Variants in MDM1 observed in about 807,000 individuals in gnomAD.
MDM1 encodes the protein Mdm1 nuclear protein.
A neutral mutation model predicts 89.1 loss-of-function variants in MDM1; 61 were observed. The observed-to-expected ratio is 0.68, with a 90% CI of 0.56 to 0.85. MDM1 has a LOEUF of 0.85. MDM1 is among the 40% of genes least tolerant of loss of function. The pLI is 0.00. For synonymous variants in MDM1, 290 were observed against 294.1 expected, an observed-to-expected ratio of 0.99 and a Z score of 0.14; for missense variants, 820 against 846.5, an observed-to-expected ratio of 0.97 and a Z score of 0.39.
At position 68,295,319 on chromosome 12, in the gene MDM1, G is replaced by A; in HGVS notation, c.2110C>T (p.Leu704Phe). The A allele has an allele frequency of 6.2e-7, 1 of 1,613,304 alleles. No homozygotes were observed. Among genetic ancestry groups the A allele is most frequent in the Non-Finnish European group, 8.5e-7 (1 of 1,179,592 alleles). ...CGTGCCAGAGTTTGAAAAGCCCGGAGACTAGAAGCTGCAGAGCGAGCAGAA... is the reference window on the plus strand; with the variant it reads ...CGTGCCAGAGTTTGAAAAGCCCGGAAACTAGAAGCTGCAGAGCGAGCAGAA... ...EISARSAASS[L>F]RAFQTLARAK... Residue 704 changes from leucine to phenylalanine, a missense_variant, in exon 15 of 15, where the codon CTC becomes TTC. Coordinates refer to ENST00000682720, the MANE Select transcript of MDM1 (RefSeq NM_001354969.2).
intron 2 of MDM1, chr12:68,327,650 G>C: frequency 1.3e-6 from 1 of 767,874 alleles, no homozygotes. Flanking sequence ...GCCACTGAGA[G>C]ACTGCCCTAG....
At chr12:68,307,443 C>G (rs1448938679) in intron 12 of MDM1, among the ~76,000 whole-genome samples, 1 of 152,166 alleles carries the variant, frequency 6.6e-6, no homozygotes, top group African/African-American at 2.4e-5. Context: ...TGAGAACAGC[C>G]TGGCAACACA....
intron 7 of MDM1, among the ~76,000 whole-genome samples, chr12:68,318,508 A>G (rs1349056331): frequency 1.3e-5 from 2 of 152,210 alleles, no homozygotes; most frequent in African/African-American, 2.4e-5. Flanking sequence ...TATATCAACA[A>G]TCTTTATTAA....
chr12:68,302,444 G>A (rs1872293717), intron 13 of MDM1, among the ~76,000 whole-genome samples, 176 bp downstream of exon 13: 1 of 152,096 alleles, frequency 6.6e-6, no homozygotes, highest in Non-Finnish European at 1.5e-5. Context: ...AGTGAACTTA[G>A]GTGCAGCACA....
chr12:68,298,784 C>T lies in MDM1; in HGVS notation c.2003-1802G>A, dbSNP rs531702367. On this transcript the variant is annotated intron_variant, in intron 13 of 14. Transcript: ENST00000682720. ...CCACCTACCTTAGCCACAGTAAGTTCCTACCCAGGGATACCTCCCCTAATG... is the reference window on the plus strand; with the variant it reads ...CCACCTACCTTAGCCACAGTAAGTTTCTACCCAGGGATACCTCCCCTAATG... Among the ~76,000 whole-genome samples, 3 of 152,294 alleles carry T rather than the reference C, an allele frequency of 2.0e-5. No homozygotes were observed. In the South Asian group the frequency reaches 6.2e-4, roughly 32 times the overall value.
At chr12:68,321,664 G>T in intron 5 of MDM1, 36 bp from the exon 6 acceptor site, 1 of 1,339,126 alleles carries the variant, frequency 7.5e-7, no homozygotes, top group Non-Finnish European at 1.1e-6. Context: ...TTATGCTTAA[G>T]ATGTTACACA....
At chr12:68,307,268 A>G (rs1268355321) in intron 12 of MDM1, among the ~76,000 whole-genome samples, 1 of 152,228 alleles carries the variant, frequency 6.6e-6, no homozygotes, top group African/African-American at 2.4e-5. Flanking sequence ...GATGGGTTCA[A>G]TAGAAGCCCA....
In MDM1 at chr12:68,326,988, C is replaced by G. The variant is rs760841949; in HGVS notation, c.167G>C (p.Arg56Thr). 2 of 1,602,680 alleles carry G rather than the reference C, an allele frequency of 1.2e-6. No homozygotes were observed. Among genetic ancestry groups the G allele is most frequent in the Admixed American group, 3.5e-5 (2 of 57,582 alleles). ...ITKEPSFISK[R>T]RVPYHDPQIS... The stretch of plus-strand genomic sequence containing the variant: ...CTGTGGGTCATGGTAAGGGACTCTT[C>G]TTTTTGAAATAAAACTTGGCTCTTT... Residue 56 changes from arginine to threonine, a missense_variant, in exon 3 of 15, where the codon AGA becomes ACA. Transcript: ENST00000682720.
intron 4 of MDM1, 136 bp downstream of exon 4, chr12:68,325,305 A>T: frequency 1.5e-6 from 2 of 1,354,948 alleles, no homozygotes; most frequent in Non-Finnish European, 1.9e-6. Context: ...TTTTAGCAAA[A>T]CTCTCATTTT....
At chr12:68,303,902 T>C (rs1004127504) in intron 12 of MDM1, among the ~76,000 whole-genome samples, 3 of 152,240 alleles carry the variant, frequency 2.0e-5, no homozygotes, top group African/African-American at 7.2e-5. Flanking sequence ...ACAATGACTA[T>C]GTATCACTGT....
At chr12:68,321,765 A>C (rs1170927059) in intron 5 of MDM1, 137 bp from the exon 6 acceptor site, 1 of 521,372 alleles carries the variant, frequency 1.9e-6, no homozygotes, top group Non-Finnish European at 3.2e-6. Flanking sequence ...AGAAAATAAA[A>C]ACCATAAGAA....
intron 5 of MDM1, 28 bp from the exon 6 acceptor site, chr12:68,321,656 A>C (rs1248225997): frequency 6.9e-7 from 1 of 1,439,150 alleles, no homozygotes; most frequent in Admixed American, 1.8e-5. Flanking sequence ...TAAGCTTTTT[A>C]TGCTTAAGAT....
chr12:68,299,872 G>A (rs1026588940), intron 13 of MDM1, among the ~76,000 whole-genome samples: 1 of 152,102 alleles, frequency 6.6e-6, no homozygotes, highest in African/African-American at 2.4e-5. Context: ...TCATCACCAA[G>A]GCACATAGTC....
chr12:68,322,053 C>T (rs1875301321), intron 5 of MDM1, among the ~76,000 whole-genome samples: 1 of 152,152 alleles, frequency 6.6e-6, no homozygotes, highest in African/African-American at 2.4e-5. Flanking sequence ...CCAATAATAT[C>T]ATAGGCCTAA....
chr12:68,307,407 G>T (rs1185980657), intron 12 of MDM1, among the ~76,000 whole-genome samples: 1 of 152,092 alleles, frequency 6.6e-6, no homozygotes, highest in Non-Finnish European at 1.5e-5. Context: ...AGGCCAAGAA[G>T]GGAGGACTGC....
rs756636829 is a variant in MDM1 at position 68,315,197 on chromosome 12, A to T, written c.1280T>A (p.Val427Glu). Residue 427 changes from valine to glutamate, a missense_variant, in exon 10 of 15, where the codon GTG becomes GAG. Physicochemically the swap from Val to Glu is moderately radical, Grantham distance 121 (BLOSUM62 -2). Coordinates refer to ENST00000682720, the MANE Select transcript of MDM1 (RefSeq NM_001354969.2). ...STEPEEKGNI[V>E]EEQPQKNTTE... ...GGTATTTTTCTGGGGCTGTTCTTCC[A>T]CGATATTTCCTTTTTCTTCTGGTTC... 3.7e-6 allele frequency: 6 copies of T among 1,614,060 alleles called. No individual in the cohort carries two copies. The African/African-American group carries it at 6.7e-5, about 18-fold the overall frequency.
At chr12:68,308,320 T>A (rs1451393061) in intron 12 of MDM1, among the ~76,000 whole-genome samples, 1 of 152,098 alleles carries the variant, frequency 6.6e-6, no homozygotes, top group East Asian at 1.9e-4. Context: ...GAGACAGGGT[T>A]TCACTGTGTT....
intron 12 of MDM1, among the ~76,000 whole-genome samples, chr12:68,304,438 T>C (rs560854144): frequency 6.6e-6 from 1 of 152,348 alleles, no homozygotes; most frequent in African/African-American, 2.4e-5. Context: ...CAGAGCTTAT[T>C]GCTTCAAACT....
intron 5 of MDM1, 96 bp from the exon 6 acceptor site, chr12:68,321,724 C>T (rs1233726746): frequency 5.7e-6 from 4 of 703,172 alleles, no homozygotes; most frequent in African/African-American, 5.4e-5. Context: ...TATTTAATGA[C>T]ATTTCTATTT....
Sources: gnomAD v4.1 joint callset for allele counts (sites outside exome capture counted in the v4.1 genomes callset) on GRCh38, gnomAD v4.1.1 for gene constraint, MANE v1.5 for transcripts, NCBI Gene and HGNC (gene_info 2026-07-23, HGNC 2026-07-21) for gene names.